The following INPP4B variants were observed in gnomAD, a reference collection of about 807,000 sequenced individuals.
INPP4B encodes the protein inositol polyphosphate-4-phosphatase type II B.
A neutral mutation model predicts 122.5 loss-of-function variants in INPP4B; 55 were observed. That is an observed-to-expected ratio of 0.45 (90% CI 0.36 to 0.56). The LOEUF is 0.56. Among genes scored for constraint, INPP4B ranks in the 20% least tolerant of loss-of-function variants. INPP4B has a pLI of 0.00. For missense variants in INPP4B, 1,000 were observed against 1,097.7 expected, an observed-to-expected ratio of 0.91 and a Z score of 1.26; for synonymous variants, 403 against 388.7, an observed-to-expected ratio of 1.04 and a Z score of -0.43.
chr4:142,611,635 T>C (rs1174674271), intron 2 of INPP4B, among the ~76,000 whole-genome samples: 31 of 136,364 alleles, frequency 2.3e-4, no homozygotes, highest in Non-Finnish European at 3.9e-4. Flanking sequence ...TTTTTCTTTT[T>C]TCTTTTTTTT....
intron 10 of INPP4B, among the ~76,000 whole-genome samples, chr4:142,263,849 AG>A (rs1741471692): frequency 6.6e-6 from 1 of 151,612 alleles, no homozygotes; most frequent in African/African-American, 2.4e-5. Flanking sequence ...AAAATTACCT[AG>A]GGAAAACACT....
intron 10 of INPP4B, among the ~76,000 whole-genome samples, chr4:142,261,543 G>A (rs1740015755): frequency 6.6e-6 from 1 of 152,098 alleles, no homozygotes; most frequent in Non-Finnish European, 1.5e-5. Context: ...AAGGGAACCA[G>A]CCATCCTTCT....
chr4:142,633,508 GAATTAA>G (rs945075410), intron 2 of INPP4B, among the ~76,000 whole-genome samples: 1 of 152,054 alleles, frequency 6.6e-6, no homozygotes, highest in African/African-American at 2.4e-5. Context: ...ACACTTAAAG[GAATTAA>G]AATTATACAA....
At chr4:142,659,961 G>C (rs1046628869) in intron 2 of INPP4B, among the ~76,000 whole-genome samples, 2 of 150,898 alleles carry the variant, frequency 1.3e-5, no homozygotes, top group African/African-American at 4.9e-5. Flanking sequence ...AAAACTGGAT[G>C]TTAAGGATCC....
At chr4:142,239,060 A>C (rs1211912938) in intron 11 of INPP4B, among the ~76,000 whole-genome samples, 1 of 152,160 alleles carries the variant, frequency 6.6e-6, no homozygotes, top group African/African-American at 2.4e-5. Context: ...CTCAATGTAC[A>C]GGGAAAAATT....
chr4:142,341,765 C>T (rs1012775910), intron 7 of INPP4B, among the ~76,000 whole-genome samples: 1 of 151,718 alleles, frequency 6.6e-6, no homozygotes, highest in African/African-American at 2.4e-5. Flanking sequence ...TAGTAAGTAG[C>T]CATTCTGGAG....
intron 17 of INPP4B, among the ~76,000 whole-genome samples, chr4:142,151,471 T>G (rs769113910): frequency 1.3e-5 from 2 of 152,218 alleles, no homozygotes; most frequent in African/African-American, 4.8e-5. Context: ...ACACTCAGTT[T>G]AAAATTCACT....
intron 9 of INPP4B, among the ~76,000 whole-genome samples, chr4:142,297,145 G>A (rs1759109258): frequency 1.3e-5 from 2 of 152,156 alleles, no homozygotes; most frequent in Admixed American, 6.5e-5. Flanking sequence ...GTCTAAATAA[G>A]TATTTTTCTC....
intron 12 of INPP4B, among the ~76,000 whole-genome samples, chr4:142,215,964 A>G (rs1847069001): frequency 6.8e-6 from 1 of 146,680 alleles, no homozygotes; most frequent in Non-Finnish European, 1.5e-5. Flanking sequence ...TTGTAATTAA[A>G]TAGTTGCATA....
chr4:142,223,025 T>C (rs1376070862), intron 12 of INPP4B, among the ~76,000 whole-genome samples: 9 of 152,222 alleles, frequency 5.9e-5, no homozygotes, highest in Admixed American at 5.2e-4. Context: ...CAATAGTTTA[T>C]TTTAAACCTC....
intron 2 of INPP4B, among the ~76,000 whole-genome samples, chr4:142,647,108 T>G (rs1282087754): frequency 6.6e-6 from 1 of 152,088 alleles, no homozygotes; most frequent in East Asian, 1.9e-4. Flanking sequence ...AGATAATGCT[T>G]AAAATTAAGA....
intron 1 of INPP4B, among the ~76,000 whole-genome samples, chr4:142,814,009 C>T (rs1190337655): frequency 6.6e-6 from 1 of 152,152 alleles, no homozygotes; most frequent in Non-Finnish European, 1.5e-5. Flanking sequence ...AAGAGCTCAA[C>T]CTTTCCTTCA....
At chr4:142,215,892 C>CAAAAAAAAAAAAAAAAAAAAAAAA (rs200657873) in intron 12 of INPP4B, among the ~76,000 whole-genome samples, 1 of 54,574 alleles carries the variant, frequency 1.8e-5, no homozygotes, top group Admixed American at 2.6e-4. Flanking sequence ...GACTCTGTCT[C>CAAAAAAAAAAAAAAAAAAAAAAAA]AAAAAAAAAA....
intron 8 of INPP4B, among the ~76,000 whole-genome samples, chr4:142,309,488 G>T (rs1318876204): frequency 6.6e-6 from 1 of 152,144 alleles, no homozygotes; most frequent in Non-Finnish European, 1.5e-5. Context: ...GAACCTTAAG[G>T]ATTAAGGCCC....
intron 2 of INPP4B, among the ~76,000 whole-genome samples, chr4:142,536,271 C>T (rs1560770249): frequency 6.6e-6 from 1 of 152,078 alleles, no homozygotes; most frequent in Non-Finnish European, 1.5e-5. Context: ...ATAAACAATG[C>T]TGACTGATTT....
intron 2 of INPP4B, among the ~76,000 whole-genome samples, chr4:142,712,566 A>G (rs950265867): frequency 1.3e-5 from 2 of 152,188 alleles, no homozygotes; most frequent in Admixed American, 6.5e-5. Context: ...TTTCCTGGCA[A>G]TAGCCCACCA....
At chr4:142,354,123 G>A (rs922685461) in intron 7 of INPP4B, among the ~76,000 whole-genome samples, 1 of 151,862 alleles carries the variant, frequency 6.6e-6, no homozygotes, top group African/African-American at 2.4e-5. Flanking sequence ...GATCTCAAAT[G>A]CAATAGCCGA....
chr4:142,728,771 G>A (rs1271523182), intron 1 of INPP4B, among the ~76,000 whole-genome samples: 1 of 152,098 alleles, frequency 6.6e-6, no homozygotes, highest in African/African-American at 2.4e-5. Flanking sequence ...AGAGAGCAGG[G>A]CCCTGCCGAC....
chr4:142,515,122 A>G (rs1825256013), intron 2 of INPP4B, among the ~76,000 whole-genome samples: 1 of 152,114 alleles, frequency 6.6e-6, no homozygotes, highest in Non-Finnish European at 1.5e-5. Flanking sequence ...TATTGTATGT[A>G]TATAAAGATC....
Sources: gnomAD v4.1 joint callset for allele counts (sites outside exome capture counted in the v4.1 genomes callset) on GRCh38, gnomAD v4.1.1 for gene constraint, MANE v1.5 for transcripts, NCBI Gene and HGNC (gene_info 2026-07-23, HGNC 2026-07-21) for gene names.